MAGI1: variants seen among roughly 807,000 people sequenced by gnomAD.
MAGI1 encodes membrane-associated guanylate kinase, WW and PDZ domain-containing protein 1.
In MAGI1, 58 loss-of-function variants were observed where a neutral mutation model predicts 139.9. The ratio of observed to expected loss-of-function variants is 0.41; its 90% confidence interval spans 0.34 to 0.52. The LOEUF (loss-of-function observed/expected upper bound fraction) is 0.52, where lower values mean the gene tolerates loss of function less well. MAGI1 is among the 20% of genes least tolerant of loss of function. The pLI, the probability that MAGI1 is intolerant of heterozygous loss-of-function variation, is 0.12. For missense variants in MAGI1, 1,874 were observed against 1,901.6 expected (o/e 0.99, Z 0.27); for synonymous variants, 812 against 737.9 (o/e 1.10, Z -1.63).
At chr3:65,996,813 T>C (rs998660218) in intron 1 of MAGI1, among the ~76,000 whole-genome samples, 1 of 152,234 alleles carries the variant, frequency 6.6e-6, no homozygotes, top group East Asian at 1.9e-4. Flanking sequence ...TTAGTTCTGA[T>C]GAAATCAACA....
In MAGI1 at chr3:65,877,646, C is replaced by A. The variant is rs183522924; in HGVS notation, c.313+160350G>T. On this transcript the variant is annotated intron_variant, in intron 1 of 22. Coordinates refer to ENST00000402939, the MANE Select transcript of MAGI1 (RefSeq NM_001033057.2). ...CACCTGTATTTTAGTTTAACTGATT[C>A]CCAGGTTCAAGCAATTCTCCTGCCT... Among the ~76,000 whole-genome samples the A allele has an allele frequency of 2.0e-5, 3 of 152,266 alleles. No individual in the cohort carries two copies. The East Asian group carries it at 5.8e-4, about 29-fold the overall frequency.
rs58736926 is a variant in MAGI1, at chr3:66,032,914, C to CAA, written c.313+5080_313+5081dup. 1.4e-3 allele frequency among the ~76,000 whole-genome samples: 151 copies of CAA among 110,276 alleles called. 5 individuals are homozygous for CAA. The highest frequency in any genetic ancestry group is 7.5e-4 in the African/African-American group (22 of 29,146). 72.3% of individuals were successfully genotyped at this position (110,276 alleles called of 152,430 possible). On this transcript the variant is annotated intron_variant, in intron 1 of 22. Coordinates refer to ENST00000402939, the MANE Select transcript of MAGI1 (RefSeq NM_001033057.2). ...TGGGCAACAGAGCGAAACTCCATCT[C>CAA]AAAAAAAAAAAAAAAAAAAACAACA...
chr3:65,557,437 G>A (rs946919987), intron 2 of MAGI1, among the ~76,000 whole-genome samples: 7 of 152,164 alleles, frequency 4.6e-5, no homozygotes, highest in Non-Finnish European at 8.8e-5. Flanking sequence ...CTGACAGCCA[G>A]CTGTATCCTC....
At position 66,038,580 on chromosome 3, in the gene MAGI1, C is replaced by G. The variant is rs1341060389; in HGVS notation, c.-272G>C. The G allele has an allele frequency of 2.0e-5, 9 of 439,938 alleles. No homozygotes were observed. Among genetic ancestry groups the G allele is most frequent in the Non-Finnish European group, 3.6e-5 (9 of 252,100 alleles). 27.3% of individuals were successfully genotyped at this position (439,938 alleles called of 1,614,324 possible). A position where few individuals can be genotyped will look rare whatever the true frequency, so the allele number is the denominator to read the frequency against. On this transcript the variant is annotated 5_prime_UTR_variant, in exon 1 of 23. Transcript: ENST00000402939. ...CTCTGGGTCCACGTTCCGGCGCCCG[C>G]CCGTGCTCTCCCGGACCAGAGTCCA...
At chr3:65,752,581 A>T (rs1345758531) in intron 1 of MAGI1, among the ~76,000 whole-genome samples, 1 of 152,216 alleles carries the variant, frequency 6.6e-6, no homozygotes, top group Non-Finnish European at 1.5e-5. Context: ...CAAGCTACTA[A>T]GGTTATGGTG....
intron 1 of MAGI1, among the ~76,000 whole-genome samples, chr3:65,943,639 T>TTG (rs537860233): frequency 0.017 from 2,632 of 150,444 alleles, 33 homozygotes; most frequent in East Asian, 0.05. Flanking sequence ...GTGTGTGTGA[T>TTG]TGTGTGTGTG....
chr3:65,705,301 A>G (rs2030003699), intron 1 of MAGI1, among the ~76,000 whole-genome samples: 1 of 103,482 alleles, frequency 9.7e-6, no homozygotes, highest in Non-Finnish European at 1.9e-5. Flanking sequence ...GTTAACATTC[A>G]GTGGCACACC....
At chr3:65,646,072 T>C (rs2107276264) in intron 1 of MAGI1, among the ~76,000 whole-genome samples, 1 of 152,048 alleles carries the variant, frequency 6.6e-6, no homozygotes, top group East Asian at 1.9e-4. Context: ...ACATGAAGTG[T>C]AAATCACCTA....
chr3:65,863,577 T>G (rs2059624279), intron 1 of MAGI1, among the ~76,000 whole-genome samples: 1 of 152,194 alleles, frequency 6.6e-6, no homozygotes, highest in African/African-American at 2.4e-5. Context: ...TTACCTTTGT[T>G]GACAGCCCTG....
At chr3:65,930,459 C>A (rs926967041) in intron 1 of MAGI1, among the ~76,000 whole-genome samples, 1 of 151,932 alleles carries the variant, frequency 6.6e-6, no homozygotes. Context: ...TGGCCAGGCA[C>A]GGTGGCTCAC....
intron 1 of MAGI1, among the ~76,000 whole-genome samples, chr3:66,031,316 T>G (rs868249363): frequency 6.6e-6 from 1 of 152,206 alleles, no homozygotes. Flanking sequence ...AACCCTCGTT[T>G]ACAAAGCAAC....
intron 1 of MAGI1, among the ~76,000 whole-genome samples, chr3:65,925,903 C>A (rs55728644): frequency 1.1e-3 from 167 of 152,258 alleles, no homozygotes; most frequent in African/African-American, 3.9e-3. Context: ...GTCTTGAACT[C>A]CTAGGTTAAA....
At chr3:65,663,887 A>T (rs1017655319) in intron 1 of MAGI1, among the ~76,000 whole-genome samples, 3 of 152,248 alleles carry the variant, frequency 2.0e-5, no homozygotes, top group Middle Eastern at 3.2e-3. Context: ...AGGGATCAAA[A>T]GCAACCCCAC....
intron 2 of MAGI1, among the ~76,000 whole-genome samples, chr3:65,558,666 G>C (rs2080199947): frequency 6.6e-6 from 1 of 151,858 alleles, no homozygotes; most frequent in African/African-American, 2.4e-5. Flanking sequence ...TTTTCAAATG[G>C]GGTGCATGCT....
chr3:65,746,706 A>G (rs193268261), intron 1 of MAGI1, among the ~76,000 whole-genome samples: 211 of 152,306 alleles, frequency 1.4e-3, no homozygotes, highest in Middle Eastern at 0.014. Context: ...GCATTAAAAT[A>G]TAATATAGAA....
At chr3:65,971,143 C>T (rs1230386118) in intron 1 of MAGI1, among the ~76,000 whole-genome samples, 1 of 152,198 alleles carries the variant, frequency 6.6e-6, no homozygotes, top group East Asian at 1.9e-4. Context: ...GTAGAGGCTG[C>T]AGTTAGCCAA....
At chr3:65,879,014 A>G (rs933005858) in intron 1 of MAGI1, among the ~76,000 whole-genome samples, 3 of 152,160 alleles carry the variant, frequency 2.0e-5, no homozygotes, top group Admixed American at 6.5e-5. Context: ...TGCAGTGATC[A>G]AAGTCAATAC....
In MAGI1 at chr3:65,405,139, A is replaced by G. The variant is rs114708667; in HGVS notation, c.2168-3669T>C. On this transcript the variant is annotated intron_variant, in intron 12 of 22. Coordinates refer to ENST00000402939, the MANE Select transcript of MAGI1 (RefSeq NM_001033057.2). ...GGATCCCAGAAAACTATTCCAGGGA[A>G]GTGTATGTTCAAAGTGTGATCTGCA... 8.3e-3 allele frequency among the ~76,000 whole-genome samples: 1,267 copies of G among 152,288 alleles called. 21 individuals carry two copies. The highest frequency in any genetic ancestry group is 0.029 in the African/African-American group (1,200 of 41,548).
chr3:66,004,378 C>T (rs916959957), intron 1 of MAGI1, among the ~76,000 whole-genome samples: 4 of 152,100 alleles, frequency 2.6e-5, no homozygotes, highest in African/African-American at 4.8e-5. Flanking sequence ...GGCTGTCGGC[C>T]GAAACACCTA....
Sources: gnomAD v4.1 joint callset for allele counts (sites outside exome capture counted in the v4.1 genomes callset) on GRCh38, gnomAD v4.1.1 for gene constraint, MANE v1.5 for transcripts, NCBI Gene and HGNC (gene_info 2026-07-23, HGNC 2026-07-21) for gene names.